ANKDD1A: variants seen among roughly 807,000 people sequenced by gnomAD.
The protein encoded by ANKDD1A is ankyrin repeat and death domain-containing protein 1A.
In ANKDD1A, 59 loss-of-function variants were observed where a neutral mutation model predicts 63.5. The ratio of observed to expected loss-of-function variants is 0.93; its 90% CI spans 0.75 to 1.15. The LOEUF (loss-of-function observed/expected upper bound fraction) is 1.15, where lower values mean the gene tolerates loss of function less well. ANKDD1A is among the 50% of genes most tolerant of loss of function. ANKDD1A has a pLI of 0.00. For synonymous variants in ANKDD1A, 266 were observed against 263.9 expected (o/e 1.01, Z -0.08); for missense variants, 632 against 656.4 (o/e 0.96, Z 0.41).
intron 10 of ANKDD1A, 63 bp from the exon 11 acceptor site, chr15:64,943,421 C>G (rs2085199708): frequency 3.6e-6 from 5 of 1,377,790 alleles, no homozygotes; most frequent in Non-Finnish European, 4.1e-6. Context: ...TGCGGGCTGA[C>G]TTAGGGTAGT....
At chr15:64,925,963 G>C in intron 4 of ANKDD1A, 103 bp from the exon 5 acceptor site, 1 of 972,836 alleles carries the variant, frequency 1.0e-6, no homozygotes, top group Non-Finnish European at 1.6e-6. Context: ...TCCATGGGGA[G>C]GCTGTGTTCT....
chr15:64,911,994 G>T, intron 1 of ANKDD1A, 30 bp downstream of exon 1: 1 of 343,842 alleles, frequency 2.9e-6, no homozygotes, highest in Non-Finnish European at 5.0e-6. Flanking sequence ...GGAGGGGGGC[G>T]GGCCGAGGCC....
At position 64,949,935 on chromosome 15, in the gene ANKDD1A, C is replaced by A; in HGVS notation, c.1446C>A (p.Phe482Leu). The A allele has an allele frequency of 6.2e-7, 1 of 1,609,770 alleles. No homozygotes were observed. The highest frequency in any genetic ancestry group is 1.1e-5 in the South Asian group (1 of 91,056). ...TAGENPSKALFEGLVAIGRRD... is the reference protein window; with the variant it reads ...TAGENPSKALLEGLVAIGRRD... Reference sequence around the variant, plus strand: ...GTGAGAACCCCAGCAAAGCGCTGTTCGAGGGCCTCGTGGCCATTGGCAGGA... The same window carrying A: ...GTGAGAACCCCAGCAAAGCGCTGTTAGAGGGCCTCGTGGCCATTGGCAGGA... Residue 482 changes from phenylalanine to leucine, a missense_variant, in exon 14 of 15, where the codon TTC (phenylalanine) becomes TTA (leucine). Phe to Leu is a conservative substitution (Grantham distance 22, BLOSUM62 0). Coordinates refer to ENST00000319580, the MANE Select transcript of ANKDD1A (RefSeq NM_182703.6).
At chr15:64,930,943 C>A in intron 7 of ANKDD1A, 23 bp downstream of exon 7, 2 of 1,603,300 alleles carry the variant, frequency 1.2e-6, no homozygotes, top group Non-Finnish European at 1.7e-6. Flanking sequence ...CTGGGGATGG[C>A]GAGATGCATG....
intron 14 of ANKDD1A, among the ~76,000 whole-genome samples, chr15:64,954,920 T>C (rs1274431952): frequency 3.4e-5 from 1 of 29,540 alleles, no homozygotes; most frequent in Non-Finnish European, 2.5e-4. Context: ...CTCTTCTCTC[T>C]CCTTCTTCTC....
chr15:64,919,473 AAT>A (rs2084993387), intron 3 of ANKDD1A, among the ~76,000 whole-genome samples: 1 of 152,210 alleles, frequency 6.6e-6, no homozygotes. Context: ...TAATTTAAAA[AAT>A]ATGTCCCCAT....
chr15:64,951,644 C>T (rs1174368543), intron 14 of ANKDD1A, among the ~76,000 whole-genome samples: 18 of 95,552 alleles, frequency 1.9e-4, no homozygotes, highest in Middle Eastern at 7.5e-3. Context: ...CTTCTTCTAT[C>T]TTCTTTCCTT....
chr15:64,950,033 C>T lies in ANKDD1A; in HGVS notation c.1483+61C>T, dbSNP rs1316776843. The stretch of plus-strand genomic sequence containing the variant: ...CTGGGTGGCCCCCACTGGAATGCAG[C>T]AGGGCCCTCCAAGGGCTGCTCAGAC... On this transcript the variant is annotated intron_variant, in intron 14 of 14. Coordinates refer to ENST00000319580, the MANE Select transcript of ANKDD1A (RefSeq NM_182703.6). The T allele has an allele frequency of 1.2e-4, 188 of 1,587,746 alleles. 3 individuals carry two copies. The South Asian group carries it at 2.0e-3, about 17-fold the overall frequency.
chr15:64,954,862 TCTCCTTTTCTTCTTCCTTCTCCTC>T (rs2085399899), intron 14 of ANKDD1A, among the ~76,000 whole-genome samples: 21 of 14,338 alleles, frequency 1.5e-3, no homozygotes, highest in Non-Finnish European at 4.0e-3. Context: ...TCTTCTTTCT[TCTCCTTTTCTTCTTCCTTCTCCTC>T]CTCCTTCTTC....
chr15:64,945,920 C>G (rs1020888149), intron 12 of ANKDD1A, among the ~76,000 whole-genome samples: 4 of 151,938 alleles, frequency 2.6e-5, no homozygotes, highest in African/African-American at 4.8e-5. Context: ...GTGTGAGCCA[C>G]CATGCCTGGC....
chr15:64,923,754 T>C (rs1322648320), intron 4 of ANKDD1A, among the ~76,000 whole-genome samples: 3 of 152,228 alleles, frequency 2.0e-5, no homozygotes, highest in Non-Finnish European at 4.4e-5. Flanking sequence ...CTCAGGGTTC[T>C]GCTGTCTGGT....
Position 64,926,058 on chromosome 15 carries a change from GT to G in ANKDD1A, c.367-5del. On this transcript the variant is annotated splice_region_variant and splice_polypyrimidine_tract_variant and intron_variant, in intron 4 of 14. Coordinates refer to ENST00000319580, the MANE Select transcript of ANKDD1A (RefSeq NM_182703.6). ...AGACTGCAGGAACCCTCCTGCACTT[GT>G]TTCCAGGATGGCCTGACCTTACTGC... 6.2e-7 allele frequency: 1 copy of G among 1,611,740 alleles called. No individual in the cohort carries two copies. Among genetic ancestry groups the G allele is most frequent in the Non-Finnish European group, 8.5e-7 (1 of 1,179,158 alleles).
At chr15:64,953,614 CCTTCTT>C (rs1555397849) in intron 14 of ANKDD1A, among the ~76,000 whole-genome samples, 1 of 19,946 alleles carries the variant, frequency 5.0e-5, no homozygotes, top group African/African-American at 9.9e-5. Context: ...TTTCTTCTCT[CCTTCTT>C]CTTCTTCTTC....
chr15:64,944,862 C>G, intron 12 of ANKDD1A, 115 bp downstream of exon 12: 1 of 973,488 alleles, frequency 1.0e-6, no homozygotes, highest in South Asian at 1.7e-5. Context: ...AGTCTCCAAG[C>G]AGGTGATAAT....
At chr15:64,954,943 T>TCTTCTTCTCTCTC (rs2085403417) in intron 14 of ANKDD1A, among the ~76,000 whole-genome samples, 1 of 140,786 alleles carries the variant, frequency 7.1e-6, no homozygotes, top group Admixed American at 7.3e-5. Flanking sequence ...TCTTCTTGTC[T>TCTTCTTCTCTCTC]CTTCTTCTCT....
chr15:64,947,577 C>T lies in ANKDD1A; in HGVS notation c.1335C>T (p.Ile445=), dbSNP rs1030062469. ...WEFTEAHVDA[I]EQQWTGTRSY... ...TCACGGAGGCACATGTCGACGCCATCGAGCAACAGTGGACAGGTACCACCT... is the reference window on the plus strand; with the variant it reads ...TCACGGAGGCACATGTCGACGCCATTGAGCAACAGTGGACAGGTACCACCT... Residue 445 remains isoleucine, a synonymous_variant, in exon 13 of 15, where the codon ATC becomes ATT. Coordinates refer to ENST00000319580, the MANE Select transcript of ANKDD1A (RefSeq NM_182703.6). 1.2e-5 allele frequency: 20 copies of T among 1,613,896 alleles called. No individual in the cohort carries two copies. Among genetic ancestry groups the T allele is most frequent in the African/African-American group, 5.3e-5 (4 of 74,924 alleles).
At chr15:64,930,748 C>G (rs2085083194) in intron 6 of ANKDD1A, 74 bp from the exon 7 acceptor site, 2 of 1,461,894 alleles carry the variant, frequency 1.4e-6, no homozygotes, top group African/African-American at 2.8e-5. Context: ...GTGTGCATGG[C>G]TGCAGCTCAT....
chr15:64,952,059 GTTCTTCCT>G (rs1330534466), intron 14 of ANKDD1A, among the ~76,000 whole-genome samples: 1 of 71,586 alleles, frequency 1.4e-5, no homozygotes, highest in Non-Finnish European at 2.7e-5. Flanking sequence ...CTTCTTCTTA[GTTCTTCCT>G]TTCTTCTTCT....
chr15:64,917,405 AC>A lies in ANKDD1A; in HGVS notation c.159del (p.Trp54GlyfsTer27), dbSNP rs1567109352. ...ARNHVGRVAL[H>X]WAAGAGHEQA... ...GGGCAGGTGGGCAGGGTGGCCCTGC[AC>A]TGGGCTGCAGGTGCAGGGCACGAGC... On this transcript the variant is annotated frameshift_variant, in exon 3 of 15. Transcript: ENST00000319580. LOFTEE classifies it high-confidence loss of function. 3 of 1,610,782 alleles carry A rather than the reference AC, an allele frequency of 1.9e-6. No homozygotes were observed. The African/African-American group carries it at 4.0e-5, about 22-fold the overall frequency.
Sources: allele counts gnomAD v4.1 joint callset (sites outside exome capture counted in the v4.1 genomes callset), GRCh38; gene constraint gnomAD v4.1.1; transcripts MANE v1.5; gene names NCBI Gene and HGNC (gene_info 2026-07-23, HGNC 2026-07-21).